The following HYDIN variants were observed in gnomAD, a reference collection of about 807,000 sequenced individuals.
The protein encoded by HYDIN is HYDIN axonemal central pair apparatus protein.
A neutral mutation model predicts 403.9 loss-of-function variants in HYDIN; 132 were observed. The observed-to-expected ratio is 0.33, with a 90% CI of 0.28 to 0.38. HYDIN has a LOEUF of 0.38. HYDIN is among the 10% of genes least tolerant of loss of function. HYDIN has a pLI of 1.00. For synonymous variants in HYDIN, 1,202 were observed against 1,891.7 expected, an observed-to-expected ratio of 0.64 and a Z score of 9.46; for missense variants, 2,827 against 5,009.5, an observed-to-expected ratio of 0.56 and a Z score of 13.15.
chr16:71,141,653 T>C (rs546899169), intron 7 of HYDIN, among the ~76,000 whole-genome samples: 1 of 152,296 alleles, frequency 6.6e-6, no homozygotes, highest in African/African-American at 2.4e-5. Flanking sequence ...CAAACAGTTT[T>C]ATAATATCGT....
rs867406528 is a variant in HYDIN, at chr16:70,985,284, C to T, written c.4233G>A (p.Thr1411=). 5.2e-6 allele frequency: 8 copies of T among 1,524,244 alleles called. No homozygotes were observed. Among genetic ancestry groups the T allele is most frequent in the East Asian group, 2.3e-5 (1 of 44,048 alleles). The allele number at this position is 1,524,244 out of a possible 1,614,324, so 94.4% of individuals were successfully genotyped here. A position where few individuals can be genotyped will look rare whatever the true frequency, so the allele number is the denominator to read the frequency against. Residue 1411 remains threonine (T), a synonymous_variant, in exon 28 of 86, where the codon ACG becomes ACA. Transcript: ENST00000393567. The stretch of plus-strand genomic sequence containing the variant: ...ACTCAAAGCCAACTTTCCCCATGTT[C>T]GTCAGCGTGATTTCCCTCTCTGTGA... The part of the protein sequence containing the change: ...DHVTEREITL[T]NMGKVGFEFK...
At chr16:71,128,843 C>T (rs2084581651) in intron 9 of HYDIN, among the ~76,000 whole-genome samples, 1 of 151,670 alleles carries the variant, frequency 6.6e-6, no homozygotes, top group Non-Finnish European at 1.5e-5. Context: ...GATTTGGGGG[C>T]AGTAGGGAGA....
intron 10 of HYDIN, among the ~76,000 whole-genome samples, chr16:71,109,113 G>T (rs1389137785): frequency 2.6e-5 from 4 of 151,716 alleles, no homozygotes; most frequent in Admixed American, 6.6e-5. Flanking sequence ...AATGTAACAT[G>T]TCCCCAGATT....
chr16:70,854,603 C>T (rs1183749277), intron 73 of HYDIN, among the ~76,000 whole-genome samples: 10 of 139,960 alleles, frequency 7.1e-5, no homozygotes, highest in South Asian at 4.9e-4. Context: ...TTAGTAGAGA[C>T]GGGGTTTCAC....
At chr16:70,967,500 G>A (rs79030613) in intron 36 of HYDIN, among the ~76,000 whole-genome samples, 2 of 141,744 alleles carry the variant, frequency 1.4e-5, no homozygotes, top group Non-Finnish European at 3.1e-5. Context: ...TTTTTTTTTT[G>A]AGACAGAGTC....
intron 23 of HYDIN, among the ~76,000 whole-genome samples, chr16:70,996,121 A>C (rs1366736599): frequency 6.6e-6 from 1 of 151,270 alleles, no homozygotes; most frequent in Non-Finnish European, 1.5e-5. Context: ...TGTAATTTAC[A>C]CTCCAAAGCT....
At position 71,066,436 on chromosome 16, in the gene HYDIN, T is replaced by C. The variant is rs577475572; in HGVS notation, c.2075+854A>G. 373 of 158,068 alleles carry C rather than the reference T, an allele frequency of 2.4e-3. 1 individual carries two copies. The highest frequency in any genetic ancestry group is 4.3e-3 in the South Asian group (23 of 5,302). 9.8% of individuals were successfully genotyped at this position (158,068 alleles called of 1,614,324 possible). ...GCACATCTGCCCCATCTTTAAAGTG[T>C]ATGTCTTCCTAAGATTCACAAGAGA... is the stretch of plus-strand genomic sequence containing the variant. On this transcript the variant is annotated intron_variant, in intron 15 of 85. Coordinates refer to ENST00000393567, the MANE Select transcript of HYDIN (RefSeq NM_001270974.2).
At chr16:71,138,819 C>A (rs2085041253) in intron 7 of HYDIN, among the ~76,000 whole-genome samples, 1 of 152,172 alleles carries the variant, frequency 6.6e-6, no homozygotes, top group Non-Finnish European at 1.5e-5. Context: ...TGTGGTGGCT[C>A]ATGCATGTAA....
intron 28 of HYDIN, among the ~76,000 whole-genome samples, chr16:70,984,895 C>A (rs1319623755): frequency 2.6e-5 from 4 of 151,264 alleles, no homozygotes; most frequent in African/African-American, 9.7e-5. Context: ...GTGAAGACAT[C>A]GGTGGAAATA....
In HYDIN at chr16:71,126,881, T is replaced by C. The variant is rs556856377; in HGVS notation, c.1227+2759A>G. On this transcript the variant is annotated intron_variant, in intron 9 of 85. Coordinates refer to ENST00000393567, the MANE Select transcript of HYDIN (RefSeq NM_001270974.2). ...TCATCTGAGACTACTGTAGCATTTA[T>C]TTACCTGAATCGGAAAACCAAAATT... Among the ~76,000 whole-genome samples the C allele has an allele frequency of 1.6e-4, 25 of 151,974 alleles. No homozygotes were observed. The South Asian group carries it at 4.1e-3, about 25-fold the overall frequency.
At chr16:71,117,493 T>C (rs1234808713) in intron 9 of HYDIN, among the ~76,000 whole-genome samples, 2 of 152,186 alleles carry the variant, frequency 1.3e-5, no homozygotes, top group African/African-American at 4.8e-5. Context: ...CTATGATCGA[T>C]GTTATTTTTG....
chr16:70,977,072 C>A (rs999187978), intron 30 of HYDIN, among the ~76,000 whole-genome samples: 7 of 152,222 alleles, frequency 4.6e-5, no homozygotes, highest in African/African-American at 1.7e-4. Flanking sequence ...CACGTACCAT[C>A]ATATTCACAG....
intron 20 of HYDIN, among the ~76,000 whole-genome samples, chr16:71,026,481 T>A (rs1568014588): frequency 1.3e-5 from 2 of 152,038 alleles, no homozygotes; most frequent in Non-Finnish European, 2.9e-5. Flanking sequence ...TTCAAAAATA[T>A]GGACAACTCT....
chr16:70,981,418 A>G lies in HYDIN; in HGVS notation c.4483T>C (p.Cys1495Arg), dbSNP rs750455107. 1 of 1,613,486 alleles carries G rather than the reference A, an allele frequency of 6.2e-7. No individual in the cohort carries two copies. The change falls in exon 29 of 86, where the codon TGC (cysteine) becomes CGC (arginine). Residue 1495 changes from cysteine (C) to arginine (R), a missense_variant. Cys to Arg is a radical substitution (Grantham distance 180). Coordinates refer to ENST00000393567, the MANE Select transcript of HYDIN (RefSeq NM_001270974.2). ...LSGEGIFPQI[C>R]LDLPRNLTAN... ...GTGAGGTTCCTGGGGAGATCGAGGC[A>G]GATTTGGGGAAAGATTCCCTCTCCG... is the stretch of plus-strand genomic sequence containing the variant.
intron 9 of HYDIN, among the ~76,000 whole-genome samples, chr16:71,127,221 G>GA (rs1307649978): frequency 6.6e-6 from 1 of 151,204 alleles, no homozygotes; most frequent in Non-Finnish European, 1.5e-5. Flanking sequence ...ATACTATTAT[G>GA]AAAAGAAAGA....
intron 2 of HYDIN, among the ~76,000 whole-genome samples, chr16:71,186,540 G>A (rs1178549163): frequency 6.6e-6 from 1 of 152,092 alleles, no homozygotes; most frequent in African/African-American, 2.4e-5. Flanking sequence ...CAACTGATTA[G>A]TTTAAGCAAA....
intron 9 of HYDIN, among the ~76,000 whole-genome samples, chr16:71,118,080 C>T (rs924576453): frequency 1.3e-5 from 2 of 152,146 alleles, no homozygotes; most frequent in Non-Finnish European, 2.9e-5. Flanking sequence ...CTCTGTGACC[C>T]CCTCTGGGCT....
chr16:70,882,751 A>G lies in HYDIN; in HGVS notation c.10124T>C (p.Val3375Ala). 6.7e-7 allele frequency: 1 copy of G among 1,501,544 alleles called. No individual in the cohort carries two copies. The highest frequency in any genetic ancestry group is 2.3e-5 in the East Asian group (1 of 44,302). 93.0% of individuals were successfully genotyped at this position (1,501,544 alleles called of 1,614,324 possible). ...ENKFIFCNVL[V>A]GRQAKARFKI... ...GAAACGAGCCTTGGCTTGGCGGCCC[A>G]CCAGGACATTGCAGAAGATGAACTT... Residue 3375 changes from valine (V) to alanine (A), a missense_variant, in exon 60 of 86, where the codon GTG (valine) becomes GCG (alanine). Val to Ala is a moderately conservative substitution (Grantham distance 64, BLOSUM62 0). Transcript: ENST00000393567.
chr16:71,049,294 G>C (rs533069309), intron 18 of HYDIN, among the ~76,000 whole-genome samples: 1 of 152,224 alleles, frequency 6.6e-6, no homozygotes, highest in South Asian at 2.1e-4. Context: ...GCTGAACAAA[G>C]TTGTGATGTT....
Sources: gnomAD v4.1 joint callset for allele counts (sites outside exome capture counted in the v4.1 genomes callset) on GRCh38, gnomAD v4.1.1 for gene constraint, MANE v1.5 for transcripts, NCBI Gene and HGNC (gene_info 2026-07-23, HGNC 2026-07-21) for gene names.